The following GSG1L variants were observed in gnomAD, a reference collection of about 807,000 sequenced individuals.
The protein encoded by GSG1L is GSG1 like.
In GSG1L, 24 loss-of-function variants were observed where a neutral mutation model predicts 42.1. The observed-to-expected ratio is 0.57, with a 90% CI of 0.41 to 0.80. GSG1L has a LOEUF of 0.80. Among genes scored for constraint, GSG1L ranks in the 30% least tolerant of loss-of-function variants. The pLI is 0.00. For missense variants in GSG1L, 445 were observed against 472.2 expected (o/e 0.94, Z 0.53); for synonymous variants, 215 against 203.5 (o/e 1.06, Z -0.48).
intron 2 of GSG1L, among the ~76,000 whole-genome samples, chr16:27,914,068 T>C (rs2084422438): frequency 6.6e-6 from 1 of 152,166 alleles, no homozygotes; most frequent in African/African-American, 2.4e-5. Context: ...TGCACCCTGT[T>C]ACTTTCACTT....
At position 27,963,120 on chromosome 16, in the gene GSG1L, G is replaced by C. The variant is rs201795323; in HGVS notation, c.397+36C>G. 3.2e-5 allele frequency: 51 copies of C among 1,582,006 alleles called. No individual in the cohort carries two copies. The East Asian group carries it at 1.1e-3, about 35-fold the overall frequency. On this transcript the variant is annotated intron_variant, in intron 2 of 6. Coordinates refer to ENST00000447459, the MANE Select transcript of GSG1L (RefSeq NM_001109763.2). The stretch of plus-strand genomic sequence containing the variant: ...GGTAGGAAAGATGTCCCCAGAGAGA[G>C]CAGAGCTGCCACAGCTCAGCTGGGG...
intron 2 of GSG1L, among the ~76,000 whole-genome samples, chr16:27,888,820 G>A (rs947686553): frequency 6.6e-6 from 1 of 151,532 alleles, no homozygotes; most frequent in Non-Finnish European, 1.5e-5. Context: ...GTTTCACCAT[G>A]TTGGCCAGGC....
At position 27,788,078 on chromosome 16, in the gene GSG1L, C is replaced by T. The variant is rs117225999; in HGVS notation, c.*3292G>A. 2.6e-5 allele frequency: 4 copies of T among 152,290 alleles called. No individual in the cohort carries two copies. The highest frequency in any genetic ancestry group is 4.4e-5 in the Non-Finnish European group (3 of 68,036). 9.4% of individuals were successfully genotyped at this position (152,290 alleles called of 1,614,324 possible). On this transcript the variant is annotated 3_prime_UTR_variant, in exon 7 of 7. Transcript: ENST00000447459. ...AATGCGTGAATGAATGAGCACAAAC[C>T]TCCAGCTGGCTGTCCCCTGAGCCCC... is the stretch of plus-strand genomic sequence containing the variant.
intron 2 of GSG1L, among the ~76,000 whole-genome samples, chr16:27,958,651 A>G (rs1329583748): frequency 1.3e-5 from 2 of 152,024 alleles, no homozygotes; most frequent in African/African-American, 4.8e-5. Flanking sequence ...TTCATCTGTA[A>G]TTTACGCACT....
chr16:27,818,978 G>T (rs1204114366), intron 5 of GSG1L, among the ~76,000 whole-genome samples: 9 of 152,118 alleles, frequency 5.9e-5, no homozygotes, highest in South Asian at 2.1e-4. Context: ...GGCCGGGCGC[G>T]GTGGCTCACG....
intron 2 of GSG1L, among the ~76,000 whole-genome samples, chr16:27,916,829 A>G (rs1596611573): frequency 6.6e-6 from 1 of 152,308 alleles, no homozygotes; most frequent in East Asian, 1.9e-4. Flanking sequence ...CATAAGTGCT[A>G]TATAAGCATT....
chr16:27,991,383 T>G (rs1410590614), intron 1 of GSG1L, among the ~76,000 whole-genome samples: 1 of 152,124 alleles, frequency 6.6e-6, no homozygotes, highest in Non-Finnish European at 1.5e-5. Context: ...GATTGTAGTA[T>G]TTGTGTGCAT....
intron 6 of GSG1L, among the ~76,000 whole-genome samples, chr16:27,802,490 G>T (rs2082894642): frequency 6.6e-6 from 1 of 152,040 alleles, no homozygotes; most frequent in Non-Finnish European, 1.5e-5. Flanking sequence ...CCTGATAAAA[G>T]GTACACCTGG....
chr16:27,913,540 G>A (rs1195527313), intron 2 of GSG1L, among the ~76,000 whole-genome samples: 3 of 152,184 alleles, frequency 2.0e-5, no homozygotes, highest in African/African-American at 4.8e-5. Context: ...GAGAGCAGGG[G>A]TTGTCAAACT....
chr16:27,844,980 G>C lies in GSG1L; in HGVS notation c.632C>G (p.Pro211Arg). 6.2e-7 allele frequency: 1 copy of C among 1,612,588 alleles called. No homozygotes were observed. Among genetic ancestry groups the C allele is most frequent in the Non-Finnish European group, 8.5e-7 (1 of 1,178,826 alleles). The change falls in exon 4 of 7, where the codon CCC (proline) becomes CGC (arginine). Residue 211 changes from proline (P) to arginine (R), a missense_variant. Pro to Arg is a moderately radical substitution (Grantham distance 103, BLOSUM62 -2). Transcript: ENST00000447459. ...TVSLGPEDWRPHSWDYGWSFC... is the reference protein window; with the variant it reads ...TVSLGPEDWRRHSWDYGWSFC... ...GGACCACCCGTAGTCCCAGGAATGG[G>C]GTCTCCAGTCCTCAGGACCGAGGCT...
chr16:28,013,001 G>A lies in GSG1L; in HGVS notation c.350-49798C>T, dbSNP rs183423278. Among the ~76,000 whole-genome samples, 718 of 151,990 alleles carry A rather than the reference G, an allele frequency of 4.7e-3. 7 individuals carry two copies. The highest frequency in any genetic ancestry group is 7.8e-3 in the Non-Finnish European group (528 of 67,952). On this transcript the variant is annotated intron_variant, in intron 1 of 6. Coordinates refer to ENST00000447459, the MANE Select transcript of GSG1L (RefSeq NM_001109763.2). ...TCACTTTGGGAGGCCGAGGCGGGTG[G>A]ATCACCTGAGGTCAGGAGTTCGAGA...
intron 3 of GSG1L, among the ~76,000 whole-genome samples, chr16:27,865,805 C>T (rs1453954281): frequency 1.3e-5 from 2 of 151,620 alleles, no homozygotes; most frequent in African/African-American, 4.9e-5. Flanking sequence ...CCAAGTGATA[C>T]TCCTGCCTCA....
intron 3 of GSG1L, among the ~76,000 whole-genome samples, chr16:27,882,640 C>A (rs569825993): frequency 6.6e-6 from 1 of 152,186 alleles, no homozygotes; most frequent in South Asian, 2.1e-4. Flanking sequence ...ACCAAGCAGA[C>A]TCTTACTTAT....
chr16:27,806,536 G>C (rs2082964828), intron 6 of GSG1L, among the ~76,000 whole-genome samples: 1 of 152,200 alleles, frequency 6.6e-6, no homozygotes, highest in Admixed American at 6.5e-5. Flanking sequence ...CACTAAACCT[G>C]ATGATCATTG....
chr16:27,947,384 A>AAAAAG (rs1555509991), intron 2 of GSG1L, among the ~76,000 whole-genome samples: 1 of 130,678 alleles, frequency 7.7e-6, no homozygotes, highest in Non-Finnish European at 1.6e-5. Context: ...GAAAGAAAGA[A>AAAAAG]AAAGAAAGAA....
intron 1 of GSG1L, among the ~76,000 whole-genome samples, chr16:27,980,651 G>A (rs1182549813): frequency 1.3e-5 from 2 of 152,264 alleles, no homozygotes; most frequent in Non-Finnish European, 1.5e-5. Context: ...GGGAGGCTGA[G>A]GTGAGCAGAT....
intron 3 of GSG1L, among the ~76,000 whole-genome samples, chr16:27,845,981 C>A (rs12445204): frequency 6.6e-6 from 1 of 151,840 alleles, no homozygotes; most frequent in Non-Finnish European, 1.5e-5. Context: ...GGGCTCACTG[C>A]AAGCTCCACC....
chr16:27,996,201 G>A (rs1205236104), intron 1 of GSG1L, among the ~76,000 whole-genome samples: 1 of 152,020 alleles, frequency 6.6e-6, no homozygotes, highest in Non-Finnish European at 1.5e-5. Flanking sequence ...TCAGCCACAG[G>A]AATACTTGTA....
At chr16:27,835,515 T>A (rs1217099033) in intron 4 of GSG1L, among the ~76,000 whole-genome samples, 1 of 152,166 alleles carries the variant, frequency 6.6e-6, no homozygotes, top group Non-Finnish European at 1.5e-5. Flanking sequence ...ATTATTGATA[T>A]GTTATGGCTT....
Sources: gnomAD v4.1 joint callset for allele counts (sites outside exome capture counted in the v4.1 genomes callset) on GRCh38, gnomAD v4.1.1 for gene constraint, MANE v1.5 for transcripts, NCBI Gene and HGNC (gene_info 2026-07-23, HGNC 2026-07-21) for gene names.